XPO7: variants seen among roughly 807,000 people sequenced by gnomAD.
The protein encoded by XPO7 is exportin 7.
A neutral mutation model predicts 144.3 loss-of-function variants in XPO7; 21 were observed. The ratio of observed to expected loss-of-function variants is 0.15; its 90% confidence interval spans 0.10 to 0.21. XPO7 has a LOEUF of 0.21. Among genes scored for constraint, XPO7 ranks in the 10% least tolerant of loss-of-function variants. XPO7 has a pLI of 1.00. For missense variants in XPO7, 808 were observed against 1,325.8 expected, an observed-to-expected ratio of 0.61 and a Z score of 6.06; for synonymous variants, 580 against 499.6, an observed-to-expected ratio of 1.16 and a Z score of -2.15.
chr8:21,947,516 ATAC>A (rs1811231019), intron 1 of XPO7, among the ~76,000 whole-genome samples: 1 of 152,202 alleles, frequency 6.6e-6, no homozygotes, highest in Non-Finnish European at 1.5e-5. Context: ...AACCTTACTA[ATAC>A]CATCACCACT....
chr8:21,944,944 G>A (rs943846764), intron 1 of XPO7, among the ~76,000 whole-genome samples: 80 of 152,204 alleles, frequency 5.3e-4, no homozygotes, highest in African/African-American at 1.9e-3. Context: ...TAGATTAACA[G>A]CATCCCAAGG....
chr8:21,953,644 C>T (rs574374758), intron 1 of XPO7, among the ~76,000 whole-genome samples: 208 of 152,310 alleles, frequency 1.4e-3, no homozygotes, highest in African/African-American at 4.9e-3. Context: ...CCAACAGTTC[C>T]TGTTGTTCCA....
At chr8:21,925,010 C>T (rs944484893) in intron 1 of XPO7, among the ~76,000 whole-genome samples, 23 of 152,224 alleles carry the variant, frequency 1.5e-4, no homozygotes, top group African/African-American at 4.6e-4. Context: ...CACAACAAGC[C>T]TGGTCATTGA....
In XPO7 at chr8:21,920,775, A is replaced by G. The variant is rs549625798; in HGVS notation, c.18+987A>G. On this transcript the variant is annotated intron_variant, in intron 1 of 27. Transcript: ENST00000252512. The stretch of plus-strand genomic sequence containing the variant: ...CACATCCATTGTGGGGAACCTTCCA[A>G]TTTTCTAGGTAACCAAGTGCACAGG... Among the ~76,000 whole-genome samples the G allele has an allele frequency of 7.9e-5, 12 of 152,238 alleles. No homozygotes were observed. The South Asian group carries it at 2.3e-3, about 29-fold the overall frequency.
intron 1 of XPO7, among the ~76,000 whole-genome samples, chr8:21,925,390 A>G (rs1315948481): frequency 1.3e-5 from 2 of 152,230 alleles, no homozygotes; most frequent in Non-Finnish European, 1.5e-5. Flanking sequence ...GCTAGCATTA[A>G]TTGATATCAT....
Position 22,003,206 on chromosome 8 carries a change from A to G in XPO7, c.2944-13A>G, listed in dbSNP as rs1813213582. 3 of 1,600,436 alleles carry G rather than the reference A, an allele frequency of 1.9e-6. No individual in the cohort carries two copies. Among genetic ancestry groups the G allele is most frequent in the South Asian group, 2.3e-5 (2 of 88,460 alleles). On this transcript the variant is annotated splice_polypyrimidine_tract_variant and intron_variant, in intron 25 of 27. Coordinates refer to ENST00000252512, the MANE Select transcript of XPO7 (RefSeq NM_015024.5). Reference sequence around the variant, plus strand: ...ATTAGGTCACTGCCTGAAATTCTCCATTCCATTTTCAGATGCTGTCCACGG... The same window carrying G: ...ATTAGGTCACTGCCTGAAATTCTCCGTTCCATTTTCAGATGCTGTCCACGG...
intron 1 of XPO7, among the ~76,000 whole-genome samples, chr8:21,957,471 A>G (rs975429439): frequency 6.6e-6 from 1 of 152,156 alleles, no homozygotes; most frequent in Admixed American, 6.5e-5. Context: ...AGTTCATTTA[A>G]GTCAGTTACC....
rs779299899 is a variant in XPO7, at chr8:21,991,995, GTA to G, written c.2148+22_2148+23del. The stretch of plus-strand genomic sequence containing the variant: ...CAAAGGTGAGTGAGTCTTTCACCCA[GTA>G]ATTAATCAGCTTCTGGTTTAGGGCA... On this transcript the variant is annotated intron_variant, in intron 19 of 27. Transcript: ENST00000252512. 78 of 1,587,948 alleles carry G rather than the reference GTA, an allele frequency of 4.9e-5. No individual in the cohort carries two copies. In the East Asian group the frequency reaches 1.5e-3, roughly 31 times the overall value.
intron 1 of XPO7, among the ~76,000 whole-genome samples, chr8:21,956,557 G>A (rs922735999): frequency 1.3e-5 from 2 of 151,988 alleles, no homozygotes; most frequent in African/African-American, 4.8e-5. Flanking sequence ...TTAATTGGAT[G>A]TTAGGCCTAT....
intron 25 of XPO7, among the ~76,000 whole-genome samples, 169 bp downstream of exon 25, chr8:22,002,441 C>G (rs1813182694): frequency 6.6e-6 from 1 of 152,196 alleles, no homozygotes; most frequent in Non-Finnish European, 1.5e-5. Context: ...GCCAAGTAAT[C>G]ACTGGATGTA....
At chr8:21,992,002 A>G (rs769939006) in intron 19 of XPO7, 28 bp downstream of exon 19, 6 of 1,581,770 alleles carry the variant, frequency 3.8e-6, no homozygotes, top group South Asian at 3.4e-5. Context: ...CCAGTAATTA[A>G]TCAGCTTCTG....
In XPO7 at chr8:21,927,003, A is replaced by G. The variant is rs545089499; in HGVS notation, c.18+7215A>G. Among the ~76,000 whole-genome samples the G allele has an allele frequency of 5.3e-5, 8 of 152,296 alleles. No individual in the cohort carries two copies. The South Asian group carries it at 1.7e-3, about 32-fold the overall frequency. ...TTAGTCTTAATATTTTGAACTGATAATGTTCCAGAACTGAGCAACTTTCTT... is the reference window on the plus strand; with the variant it reads ...TTAGTCTTAATATTTTGAACTGATAGTGTTCCAGAACTGAGCAACTTTCTT... On this transcript the variant is annotated intron_variant, in intron 1 of 27. Transcript: ENST00000252512.
chr8:21,947,207 G>A (rs1335021287), intron 1 of XPO7, among the ~76,000 whole-genome samples: 2 of 152,134 alleles, frequency 1.3e-5, no homozygotes, highest in African/African-American at 2.4e-5. Context: ...CAGTAACAGC[G>A]TAACACAGGA....
At chr8:21,969,871 G>C (rs1811996262) in intron 3 of XPO7, 1 of 549,384 alleles carries the variant, frequency 1.8e-6, no homozygotes, top group Non-Finnish European at 3.2e-6. Context: ...TGAATTCTGT[G>C]TAGACCACGT....
At chr8:21,994,124 A>G (rs1812861953) in intron 19 of XPO7, among the ~76,000 whole-genome samples, 1 of 152,162 alleles carries the variant, frequency 6.6e-6, no homozygotes, top group Non-Finnish European at 1.5e-5. Flanking sequence ...TCCAAAGCTA[A>G]TTTTCTTGGC....
intron 17 of XPO7, 119 bp downstream of exon 17, chr8:21,990,526 C>G (rs1332287491): frequency 2.4e-5 from 27 of 1,127,958 alleles, no homozygotes; most frequent in Non-Finnish European, 3.5e-5. Context: ...GACGGTGGTC[C>G]TGATTCCCAC....
At position 21,987,179 on chromosome 8, in the gene XPO7, C is replaced by G. The variant is rs1220783096; in HGVS notation, c.1616C>G (p.Ala539Gly). The G allele has an allele frequency of 6.2e-7, 1 of 1,613,980 alleles. No individual in the cohort carries two copies. The highest frequency in any genetic ancestry group is 1.7e-5 in the Admixed American group (1 of 60,026). Residue 539 changes from alanine to glycine, a missense_variant, in exon 14 of 28, where the codon GCC (alanine) becomes GGC (glycine). Physicochemically the swap from Ala to Gly is moderately conservative, Grantham distance 60 (BLOSUM62 0). This residue lies in a region of XPO7 where 416 missense variants were observed against 612.5 expected (regional missense o/e 0.68). Coordinates refer to ENST00000252512, the MANE Select transcript of XPO7 (RefSeq NM_015024.5). ...ATGAACCTAACAGATTCTCGTTTGG[C>G]CCAGGCGGGTAATGAGAAGCTAGAG... The part of the protein sequence containing the change: ...QLMNLTDSRL[A>G]QAGNEKLELA...
At chr8:21,959,617 A>G (rs1452498564) in intron 1 of XPO7, among the ~76,000 whole-genome samples, 1 of 151,872 alleles carries the variant, frequency 6.6e-6, no homozygotes, top group African/African-American at 2.4e-5. Flanking sequence ...TTACCAATTT[A>G]TTTTTTTAAA....
intron 1 of XPO7, among the ~76,000 whole-genome samples, chr8:21,962,905 T>G (rs1041664298): frequency 2.0e-5 from 3 of 152,194 alleles, no homozygotes; most frequent in African/African-American, 7.2e-5. Flanking sequence ...AATTTATATG[T>G]CAATTAACCT....
Sources: gnomAD v4.1 joint callset for allele counts (sites outside exome capture counted in the v4.1 genomes callset) on GRCh38, gnomAD v4.1.1 for gene constraint, gnomAD v4.1.1 regional missense constraint, MANE v1.5 for transcripts, NCBI Gene and HGNC (gene_info 2026-07-23, HGNC 2026-07-21) for gene names.